UBE2H: variants seen among roughly 807,000 people sequenced by gnomAD.
The protein encoded by UBE2H is ubiquitin conjugating enzyme E2 H, also known as ubiquitin-conjugating enzyme E2 H.
Under a neutral mutation model 29.0 loss-of-function variants are expected in UBE2H, and 3 were observed. That is an observed-to-expected ratio of 0.10 (90% CI 0.05 to 0.27). The LOEUF (loss-of-function observed/expected upper bound fraction) is 0.27, where lower values mean the gene tolerates loss of function less well. Ranked by LOEUF, UBE2H falls within the 10% of genes least tolerant of loss-of-function variation. The probability of loss-of-function intolerance (pLI) is 1.00; values close to 1 mark genes in which losing one functional copy is unlikely to be tolerated. For missense variants in UBE2H, 68 were observed against 228.2 expected (o/e 0.30, Z 4.52); for synonymous variants, 69 against 82.9 (o/e 0.83, Z 0.91).
At chr7:129,887,369 ACAC>A (rs1168372240) in intron 1 of UBE2H, among the ~76,000 whole-genome samples, 1 of 151,720 alleles carries the variant, frequency 6.6e-6, no homozygotes, top group African/African-American at 2.4e-5. Context: ...TTACAGGTGC[ACAC>A]CACCACACCC....
At chr7:129,888,143 TAAG>T (rs1234049711) in intron 1 of UBE2H, among the ~76,000 whole-genome samples, 1 of 152,100 alleles carries the variant, frequency 6.6e-6, no homozygotes, top group Non-Finnish European at 1.5e-5. Context: ...CTGATTGAAA[TAAG>T]AAGCTGAAAA....
rs113582844 is a variant in UBE2H at position 129,831,215 on chromosome 7, C to T, written c.*3722G>A. On this transcript the variant is annotated 3_prime_UTR_variant, in exon 7 of 7. Transcript: ENST00000355621. ...TTCAGAAGTCCAAAGAAATGCAGTT[C>T]GTTGCGCCCAATCAGAGATAGATGA... The T allele has an allele frequency of 2.0e-5, 3 of 152,302 alleles. No homozygotes were observed. Among genetic ancestry groups the T allele is most frequent in the African/African-American group, 7.2e-5 (3 of 41,576 alleles). 9.4% of individuals were successfully genotyped at this position (152,302 alleles called of 1,614,324 possible).
Position 129,831,912 on chromosome 7 carries a change from C to CA in UBE2H, c.*3024dup, listed in dbSNP as rs1225270998. On this transcript the variant is annotated 3_prime_UTR_variant, in exon 7 of 7. Transcript: ENST00000355621. ...AAGAATGGCTTGTGCTGGTAAAACTCAAGGGAGGATCCAAAAACTATGGGC... is the reference window on the plus strand; with the variant it reads ...AAGAATGGCTTGTGCTGGTAAAACTCAAAGGGAGGATCCAAAAACTATGGGC... 6.6e-6 allele frequency: 1 copy of CA among 152,224 alleles called. No homozygotes were observed. The highest frequency in any genetic ancestry group is 1.9e-4 in the East Asian group (1 of 5,196). 9.4% of individuals were successfully genotyped at this position (152,224 alleles called of 1,614,324 possible). A position where few individuals can be genotyped will look rare whatever the true frequency, so the allele number is the denominator to read the frequency against.
chr7:129,929,148 G>A (rs987340560), intron 1 of UBE2H, among the ~76,000 whole-genome samples: 21 of 152,034 alleles, frequency 1.4e-4, no homozygotes, highest in Admixed American at 1.4e-3. Context: ...GAGAAACCCC[G>A]TCTCTACTAA....
At chr7:129,859,641 T>C (rs375103727) in intron 3 of UBE2H, among the ~76,000 whole-genome samples, 1 of 152,236 alleles carries the variant, frequency 6.6e-6, no homozygotes, top group Admixed American at 6.5e-5. Flanking sequence ...AATAGCTATA[T>C]GGCCATTTGA....
In UBE2H at chr7:129,915,521, G is replaced by A. The variant is rs1022063118; in HGVS notation, c.54-34550C>T. ...TGCACTCCAGCCTGGGTGACAGAGCGAGACTCTGTCTCAAAAAAATAAATA... is the reference window on the plus strand; with the variant it reads ...TGCACTCCAGCCTGGGTGACAGAGCAAGACTCTGTCTCAAAAAAATAAATA... On this transcript the variant is annotated intron_variant, in intron 1 of 6. Transcript: ENST00000355621. Among the ~76,000 whole-genome samples, 5 of 152,220 alleles carry A rather than the reference G, an allele frequency of 3.3e-5. No homozygotes were observed. The Middle Eastern group carries it at 0.01, about 311-fold the overall frequency.
intron 1 of UBE2H, among the ~76,000 whole-genome samples, chr7:129,889,954 A>AC (rs1806440930): frequency 6.6e-6 from 1 of 151,742 alleles, no homozygotes; most frequent in South Asian, 2.1e-4. Flanking sequence ...ACATAGTGAG[A>AC]CCCCCATCAC....
At chr7:129,847,186 C>T (rs1420897208) in intron 5 of UBE2H, among the ~76,000 whole-genome samples, 1 of 152,098 alleles carries the variant, frequency 6.6e-6, no homozygotes, top group African/African-American at 2.4e-5. Context: ...AGCTGGATTA[C>T]AGGTGCACGC....
chr7:129,847,882 C>T (rs1805539928), intron 5 of UBE2H, among the ~76,000 whole-genome samples: 1 of 152,194 alleles, frequency 6.6e-6, no homozygotes, highest in Admixed American at 6.5e-5. Flanking sequence ...GGTGTTCTTC[C>T]TTTCTTCCAT....
chr7:129,831,053 C>G lies in UBE2H; in HGVS notation c.*3884G>C, dbSNP rs1805216336. Reference sequence around the variant, plus strand: ...TGAGTGTTAGGCTAAATTCAGAGCCCTGGCTCTTCCTCAGATGAGTGGAAA... The same window carrying G: ...TGAGTGTTAGGCTAAATTCAGAGCCGTGGCTCTTCCTCAGATGAGTGGAAA... On this transcript the variant is annotated 3_prime_UTR_variant, in exon 7 of 7. Coordinates refer to ENST00000355621, the MANE Select transcript of UBE2H (RefSeq NM_003344.4). 6.6e-6 allele frequency: 1 copy of G among 152,056 alleles called. No individual in the cohort carries two copies. The highest frequency in any genetic ancestry group is 2.1e-4 in the South Asian group (1 of 4,818). 9.4% of individuals were successfully genotyped at this position (152,056 alleles called of 1,614,324 possible).
chr7:129,934,846 C>T (rs1383022913), intron 1 of UBE2H, among the ~76,000 whole-genome samples: 2 of 151,302 alleles, frequency 1.3e-5, no homozygotes, highest in Non-Finnish European at 2.9e-5. Flanking sequence ...GTAGCCAGAT[C>T]ACTTGAGGTC....
At chr7:129,914,513 C>T (rs541379313) in intron 1 of UBE2H, among the ~76,000 whole-genome samples, 65 of 152,106 alleles carry the variant, frequency 4.3e-4, no homozygotes, top group African/African-American at 1.4e-3. Flanking sequence ...AGAGGGAAGC[C>T]GACACAAGAA....
At position 129,871,270 on chromosome 7, in the gene UBE2H, A is replaced by G. The variant is rs1806024286; in HGVS notation, c.205+8298T>C. Among the ~76,000 whole-genome samples, 3 of 152,266 alleles carry G rather than the reference A, an allele frequency of 2.0e-5. No individual in the cohort carries two copies. The South Asian group carries it at 6.2e-4, about 32-fold the overall frequency. ...TGCCACAGCCAAAGCCTCAGCTGCC[A>G]GACATAATTTTTGAAAAATGTTATT... On this transcript the variant is annotated intron_variant, in intron 3 of 6. Transcript: ENST00000355621.
At chr7:129,886,544 T>G (rs994230399) in intron 1 of UBE2H, among the ~76,000 whole-genome samples, 1 of 152,114 alleles carries the variant, frequency 6.6e-6, no homozygotes, top group African/African-American at 2.4e-5. Context: ...GAGTCCTAAA[T>G]TTACTGATAA....
chr7:129,891,888 A>AGTGTGT (rs35586367), intron 1 of UBE2H, among the ~76,000 whole-genome samples: 9,017 of 150,044 alleles, frequency 0.06, 347 homozygotes, highest in Non-Finnish European at 0.091. Context: ...TTATAAATGT[A>AGTGTGT]GTGTGTGTGT....
chr7:129,834,840 G>A lies in UBE2H; in HGVS notation c.*97C>T. ...CTATTATTCATAAAAACCTTGTTTA[G>A]TAATAAAAAAAATTGCTTTGTTTAA... On this transcript the variant is annotated 3_prime_UTR_variant, in exon 7 of 7. Coordinates refer to ENST00000355621, the MANE Select transcript of UBE2H (RefSeq NM_003344.4). The A allele has an allele frequency of 6.9e-7, 1 of 1,452,398 alleles. No individual in the cohort carries two copies. Among genetic ancestry groups the A allele is most frequent in the Non-Finnish European group, 9.3e-7 (1 of 1,080,394 alleles). The allele number at this position is 1,452,398 out of a possible 1,614,324, so 90.0% of individuals were successfully genotyped here.
At chr7:129,945,185 G>A (rs1807738653) in intron 1 of UBE2H, among the ~76,000 whole-genome samples, 1 of 152,166 alleles carries the variant, frequency 6.6e-6, no homozygotes, top group African/African-American at 2.4e-5. Context: ...TCTTGATAAG[G>A]ATAAGCTTCA....
At chr7:129,932,202 C>T (rs1393046942) in intron 1 of UBE2H, among the ~76,000 whole-genome samples, 1 of 151,222 alleles carries the variant, frequency 6.6e-6, no homozygotes, top group Non-Finnish European at 1.5e-5. Context: ...CGGCTCACTG[C>T]AAGCTCCACC....
intron 1 of UBE2H, among the ~76,000 whole-genome samples, chr7:129,939,758 G>GACC (rs1807603187): frequency 6.6e-6 from 1 of 152,090 alleles, no homozygotes; most frequent in Non-Finnish European, 1.5e-5. Flanking sequence ...AGGAGTTTGA[G>GACC]ACCAGCCTGG....
Sources: allele counts gnomAD v4.1 joint callset (sites outside exome capture counted in the v4.1 genomes callset), GRCh38; gene constraint gnomAD v4.1.1; transcripts MANE v1.5; gene names NCBI Gene and HGNC (gene_info 2026-07-23, HGNC 2026-07-21).